The following CIMIP5 variants were observed in gnomAD, a reference collection of about 807,000 sequenced individuals.
CIMIP5 encodes the protein uncharacterized protein C2orf50.
chr2:11,143,881 TCCACGC>T, the CIMIP5 span: 2 of 1,491,084 alleles, frequency 1.3e-6, no homozygotes, highest in African/African-American at 1.4e-5. Context: ...TCCTCCTTTT[TCCACGC>T]TCTGTGTGAC....
the CIMIP5 span, among the ~76,000 whole-genome samples, chr2:11,149,512 C>T: frequency 1.3e-5 from 2 of 152,068 alleles, no homozygotes; most frequent in African/African-American, 2.4e-5. Context: ...TTGAGACCAG[C>T]CTGTACAACA....
the CIMIP5 span, among the ~76,000 whole-genome samples, chr2:11,154,016 T>C: frequency 6.6e-6 from 1 of 152,074 alleles, no homozygotes; most frequent in Non-Finnish European, 1.5e-5. Context: ...TGGCTCTGTC[T>C]CCCAGGCTAG....
At chr2:11,140,374 T>C in the CIMIP5 span, 78 of 280,408 alleles carry the variant, frequency 2.8e-4, no homozygotes, top group Middle Eastern at 3.4e-3. Context: ...GCCTCCGTCT[T>C]AAAAAAAAAA....
At chr2:11,144,172 C>A in the CIMIP5 span, 2 of 1,406,966 alleles carry the variant, frequency 1.4e-6, no homozygotes, top group Non-Finnish European at 1.9e-6. Flanking sequence ...AGAGACCCAG[C>A]CCACAACAGC....
At chr2:11,144,188 T>C in the CIMIP5 span, 1 of 1,305,762 alleles carries the variant, frequency 7.7e-7, no homozygotes, top group African/African-American at 1.5e-5. Flanking sequence ...ACAGCACCAG[T>C]CAGCTCCCCA....
chr2:11,147,019 A>G, the CIMIP5 span, among the ~76,000 whole-genome samples: 2 of 152,186 alleles, frequency 1.3e-5, no homozygotes, highest in Non-Finnish European at 2.9e-5. Context: ...CAGAGGGGAG[A>G]GAATCACTGA....
chr2:11,140,106 G>T, the CIMIP5 span, among the ~76,000 whole-genome samples: 4 of 68,002 alleles, frequency 5.9e-5, no homozygotes, highest in East Asian at 6.8e-4. Flanking sequence ...AAAAAAAAAA[G>T]GCTGGGCGTG....
the CIMIP5 span, chr2:11,144,207 A>T: frequency 7.2e-6 from 8 of 1,113,004 alleles, no homozygotes; most frequent in South Asian, 1.1e-4. Flanking sequence ...CACACAAGGC[A>T]GCTTGGGTCT....
the CIMIP5 span, among the ~76,000 whole-genome samples, chr2:11,151,811 T>G: frequency 3.9e-5 from 6 of 152,250 alleles, no homozygotes; most frequent in Non-Finnish European, 7.3e-5. Context: ...AATTTTTGTT[T>G]TTAGTAGAGA....
chr2:11,153,905 CAA>C, the CIMIP5 span, among the ~76,000 whole-genome samples: 6 of 133,906 alleles, frequency 4.5e-5, no homozygotes, highest in Non-Finnish European at 9.4e-5. Context: ...GCCTGGGCGA[CAA>C]GAGTGAAACT....
At chr2:11,133,461 G>A in the CIMIP5 span, 1 of 1,609,444 alleles carries the variant, frequency 6.2e-7, no homozygotes, top group South Asian at 1.1e-5. Flanking sequence ...CAGGGGTCTT[G>A]CTGGTGGCTG....
chr2:11,139,464 A>C, the CIMIP5 span, among the ~76,000 whole-genome samples: 1 of 152,196 alleles, frequency 6.6e-6, no homozygotes, highest in Non-Finnish European at 1.5e-5. Flanking sequence ...TTCAAATAAA[A>C]CTAAATGGCC....
the CIMIP5 span, among the ~76,000 whole-genome samples, chr2:11,148,220 C>T: frequency 1.3e-5 from 2 of 151,638 alleles, no homozygotes. Flanking sequence ...CAGGTTCAAG[C>T]GATTCTCCTG....
chr2:11,134,934 G>A, the CIMIP5 span, among the ~76,000 whole-genome samples: 1 of 152,170 alleles, frequency 6.6e-6, no homozygotes, highest in South Asian at 2.1e-4. Context: ...CTTCTGGTAA[G>A]GGCCTCAGGA....
chr2:11,133,323 C>A, the CIMIP5 span: 1 of 1,575,444 alleles, frequency 6.3e-7, no homozygotes, highest in Non-Finnish European at 8.5e-7. Flanking sequence ...CACACACACA[C>A]ACACTTGCAC....
At chr2:11,142,159 G>A in the CIMIP5 span, among the ~76,000 whole-genome samples, 6 of 151,764 alleles carry the variant, frequency 4.0e-5, no homozygotes, top group East Asian at 1.9e-4. Context: ...CCAGCTACTC[G>A]GGAGGCTGAG....
chr2:11,140,318 G>T, the CIMIP5 span, among the ~76,000 whole-genome samples: 2,202 of 150,300 alleles, frequency 0.015, 50 homozygotes, highest in African/African-American at 0.052. Context: ...GAGCTTGCAG[G>T]GAGCCAAGAT....
chr2:11,148,774 C>A, the CIMIP5 span, among the ~76,000 whole-genome samples: 4 of 137,988 alleles, frequency 2.9e-5, no homozygotes, highest in Non-Finnish European at 6.0e-5. Flanking sequence ...TCGCTCTCGT[C>A]CCCCAGGCTG....
At chr2:11,133,650 A>C in the CIMIP5 span, 1 of 1,540,992 alleles carries the variant, frequency 6.5e-7, no homozygotes, top group Non-Finnish European at 8.7e-7. Context: ...AAGTTGGGGA[A>C]GGTTTTGGAG....
Sources: gnomAD v4.1 joint callset for allele counts (sites outside exome capture counted in the v4.1 genomes callset) on GRCh38, gnomAD v4.1.1 for gene constraint, MANE v1.5 for transcripts, NCBI Gene and HGNC (gene_info 2026-07-23, HGNC 2026-07-21) for gene names.